Variants in BCAT1 observed in about 807,000 individuals in gnomAD.
The protein encoded by BCAT1 is branched chain amino acid transaminase 1, also known as branched-chain-amino-acid aminotransferase, cytosolic.
In BCAT1, 48 loss-of-function variants were observed where a neutral mutation model predicts 52.4. The ratio of observed to expected loss-of-function variants is 0.92; its 90% CI spans 0.73 to 1.16. The LOEUF (loss-of-function observed/expected upper bound fraction) is 1.16, where lower values mean the gene tolerates loss of function less well. Among genes scored for constraint, BCAT1 ranks in the 50% most tolerant of loss-of-function variants. The pLI is 0.00. For missense variants in BCAT1, 451 were observed against 457.1 expected (o/e 0.99, Z 0.12); for synonymous variants, 167 against 161.3 (o/e 1.04, Z -0.27).
intron 5 of BCAT1, among the ~76,000 whole-genome samples, chr12:24,864,017 T>G (rs1310071597): frequency 1.3e-5 from 2 of 152,234 alleles, no homozygotes; most frequent in East Asian, 3.8e-4. Flanking sequence ...GCTGCCTGTT[T>G]TTATTGCTTT....
At chr12:24,934,696 G>A (rs1034688698) in intron 1 of BCAT1, among the ~76,000 whole-genome samples, 3 of 152,088 alleles carry the variant, frequency 2.0e-5, no homozygotes, top group Non-Finnish European at 1.5e-5. Context: ...GGGACTATAG[G>A]TGCACACCAC....
At chr12:24,907,322 T>G (rs1429980621) in intron 1 of BCAT1, among the ~76,000 whole-genome samples, 1 of 152,266 alleles carries the variant, frequency 6.6e-6, no homozygotes, top group Non-Finnish European at 1.5e-5. Flanking sequence ...GCTTGCCATT[T>G]CAAAATAATG....
intron 1 of BCAT1, among the ~76,000 whole-genome samples, chr12:24,938,453 G>C (rs986713477): frequency 6.6e-6 from 1 of 152,166 alleles, no homozygotes; most frequent in African/African-American, 2.4e-5. Flanking sequence ...GAGAGAAAAT[G>C]CAGAGCATCA....
intron 6 of BCAT1, among the ~76,000 whole-genome samples, chr12:24,843,112 C>T (rs542569053): frequency 5.3e-5 from 8 of 152,260 alleles, no homozygotes; most frequent in African/African-American, 1.4e-4. Flanking sequence ...TCTAGTCCTC[C>T]TGTTGCACCA....
intron 1 of BCAT1, among the ~76,000 whole-genome samples, chr12:24,943,153 TA>T (rs1405421997): frequency 1.3e-5 from 2 of 152,208 alleles, no homozygotes; most frequent in Non-Finnish European, 2.9e-5. Context: ...ACTTTGTGTC[TA>T]TATGTGTTTG....
chr12:24,916,840 A>C (rs72640136), intron 1 of BCAT1, among the ~76,000 whole-genome samples: 17,510 of 152,274 alleles, frequency 0.11, 1,624 homozygotes, highest in South Asian at 0.37. Context: ...TGCACAGCCG[A>C]AAATAGGTTC....
In BCAT1 at chr12:24,829,995, C is replaced by T. The variant is rs148945522; in HGVS notation, c.1045-98G>A. On this transcript the variant is annotated intron_variant, in intron 9 of 10. Transcript: ENST00000261192. ...CAATTCTGCTATACTAAGGCAATTC[C>T]ACTGAAGTTAAGGAATAGCACTAAA... 8.6e-5 allele frequency: 72 copies of T among 838,698 alleles called. No homozygotes were observed. In the Middle Eastern group the frequency reaches 1.4e-3, roughly 16 times the overall value. 52.0% of individuals were successfully genotyped at this position (838,698 alleles called of 1,614,324 possible). A position where few individuals can be genotyped will look rare whatever the true frequency, so the allele number is the denominator to read the frequency against.
intron 10 of BCAT1, among the ~76,000 whole-genome samples, chr12:24,818,457 A>G (rs1002469025): frequency 4.6e-5 from 7 of 152,162 alleles, no homozygotes; most frequent in Admixed American, 3.9e-4. Context: ...GTATTCTCAG[A>G]CCACTAGCAT....
At chr12:24,830,029 A>C (rs926565619) in intron 9 of BCAT1, 132 bp from the exon 10 acceptor site, 17 of 563,644 alleles carry the variant, frequency 3.0e-5, no homozygotes, top group African/African-American at 1.9e-5. Context: ...AAACCTACTG[A>C]CTCTGAGTGC....
At chr12:24,874,253 G>A (rs1942265367) in intron 5 of BCAT1, among the ~76,000 whole-genome samples, 1 of 152,208 alleles carries the variant, frequency 6.6e-6, no homozygotes, top group South Asian at 2.1e-4. Flanking sequence ...AGCAGAGGTT[G>A]CAATGAGCCA....
chr12:24,829,738 T>A (rs983467226), intron 10 of BCAT1, 85 bp downstream of exon 10: 5 of 1,089,738 alleles, frequency 4.6e-6, no homozygotes, highest in Admixed American at 2.8e-5. Context: ...TGAAATATAA[T>A]TTAGTTGTAA....
chr12:24,839,001 TAC>T (rs1436730906), intron 7 of BCAT1, among the ~76,000 whole-genome samples: 1 of 152,220 alleles, frequency 6.6e-6, no homozygotes, highest in African/African-American at 2.4e-5. Context: ...CCATTTATTC[TAC>T]AAATACATAT....
chr12:24,884,733 T>C (rs1218124760), intron 3 of BCAT1, among the ~76,000 whole-genome samples: 1 of 152,184 alleles, frequency 6.6e-6, no homozygotes, highest in Non-Finnish European at 1.5e-5. Context: ...AAAAGGCTAA[T>C]ACAACATGAC....
At chr12:24,914,717 C>T (rs1041507717) in intron 1 of BCAT1, among the ~76,000 whole-genome samples, 1 of 152,188 alleles carries the variant, frequency 6.6e-6, no homozygotes, top group East Asian at 1.9e-4. Context: ...CATCAGCTGA[C>T]ATGAACACTG....
At chr12:24,923,569 G>A (rs1361457830) in intron 1 of BCAT1, among the ~76,000 whole-genome samples, 1 of 152,100 alleles carries the variant, frequency 6.6e-6, no homozygotes, top group Non-Finnish European at 1.5e-5. Context: ...ACCATGCCTG[G>A]CTAATTTTTT....
intron 5 of BCAT1, among the ~76,000 whole-genome samples, chr12:24,858,921 A>G (rs1202858841): frequency 6.6e-6 from 1 of 152,238 alleles, no homozygotes; most frequent in Admixed American, 6.5e-5. Flanking sequence ...TTAATCTTGT[A>G]AAAGAAATTC....
intron 1 of BCAT1, among the ~76,000 whole-genome samples, chr12:24,907,706 A>G (rs1311005037): frequency 6.6e-6 from 1 of 152,106 alleles, no homozygotes; most frequent in Non-Finnish European, 1.5e-5. Flanking sequence ...CCTGCCCTTA[A>G]GGTACTTTGT....
intron 1 of BCAT1, among the ~76,000 whole-genome samples, chr12:24,939,951 C>A (rs1265292682): frequency 6.6e-6 from 1 of 152,160 alleles, no homozygotes; most frequent in Non-Finnish European, 1.5e-5. Context: ...CAATTTTTTT[C>A]ATTCAATCTT....
chr12:24,911,553 T>A (rs1943327160), intron 1 of BCAT1, among the ~76,000 whole-genome samples: 1 of 152,232 alleles, frequency 6.6e-6, no homozygotes, highest in Admixed American at 6.5e-5. Flanking sequence ...AAAATAAACA[T>A]AAGTTCTTCT....
Sources: allele counts gnomAD v4.1 joint callset (sites outside exome capture counted in the v4.1 genomes callset), GRCh38; gene constraint gnomAD v4.1.1; transcripts MANE v1.5; gene names NCBI Gene and HGNC (gene_info 2026-07-23, HGNC 2026-07-21).